Variants in TTC39A observed in about 807,000 individuals in gnomAD.
The protein encoded by TTC39A is tetratricopeptide repeat protein 39A.
A neutral mutation model predicts 82.3 loss-of-function variants in TTC39A; 46 were observed. The ratio of observed to expected loss-of-function variants is 0.56; its 90% CI spans 0.44 to 0.71. TTC39A has a LOEUF of 0.71. Among genes scored for constraint, TTC39A ranks in the 30% least tolerant of loss-of-function variants. The probability of loss-of-function intolerance (pLI) is 0.00; values close to 1 mark genes in which losing one functional copy is unlikely to be tolerated. For synonymous variants in TTC39A, 254 were observed against 275.2 expected (o/e 0.92, Z 0.76); for missense variants, 543 against 712.9 (o/e 0.76, Z 2.71).
At chr1:51,299,545 G>A (rs1278956410) in intron 12 of TTC39A, 2 of 152,294 alleles carry the variant, frequency 1.3e-5, no homozygotes, top group African/African-American at 4.8e-5. Context: ...AATGGGTGGG[G>A]CCCCAGAACT....
At chr1:51,337,424 A>ATTTTT (rs1017474435) in intron 1 of TTC39A, among the ~76,000 whole-genome samples, 5 of 132,098 alleles carry the variant, frequency 3.8e-5, no homozygotes, top group Non-Finnish European at 6.5e-5. Context: ...ATTCTGTTTA[A>ATTTTT]TTTTTTTTTT....
chr1:51,331,750 A>G (rs1645915246), upstream of TTC39A: 1 of 985,366 alleles, frequency 1.0e-6, no homozygotes, highest in Admixed American at 6.1e-5. Flanking sequence ...TACAGGCACG[A>G]AAAAGATAAT....
intron 1 of TTC39A, among the ~76,000 whole-genome samples, chr1:51,327,805 T>G (rs561559685): frequency 6.6e-6 from 1 of 151,798 alleles, no homozygotes; most frequent in African/African-American, 2.4e-5. Flanking sequence ...CAAGAGATTC[T>G]CCTGCCTCAG....
At position 51,296,195 on chromosome 1, in the gene TTC39A, G is replaced by C. The variant is rs1270473051; in HGVS notation, c.1054-25C>G. 1.2e-5 allele frequency: 19 copies of C among 1,566,334 alleles called. No homozygotes were observed. The South Asian group carries it at 2.2e-4, about 18-fold the overall frequency. On this transcript the variant is annotated intron_variant, in intron 12 of 17. Transcript: ENST00000680483. Reference sequence around the variant, plus strand: ...CCTGTGCGAGACAGAGCAACAGCCAGGTGTGAGCAGCCCTCCTCCAGCCCC... The same window carrying C: ...CCTGTGCGAGACAGAGCAACAGCCACGTGTGAGCAGCCCTCCTCCAGCCCC...
At chr1:51,339,225 G>A (rs765700130) in intron 1 of TTC39A, among the ~76,000 whole-genome samples, 5 of 152,110 alleles carry the variant, frequency 3.3e-5, no homozygotes, top group East Asian at 1.9e-4. Flanking sequence ...CAAAAGGAAC[G>A]GGGTGTCTTA....
chr1:51,304,576 A>G (rs984379754), intron 8 of TTC39A, among the ~76,000 whole-genome samples: 7 of 152,172 alleles, frequency 4.6e-5, no homozygotes, highest in African/African-American at 1.7e-4. Flanking sequence ...TGCTGCCTTC[A>G]ACCTGGGGTT....
chr1:51,342,094 G>T (rs139174091), intron 1 of TTC39A, among the ~76,000 whole-genome samples: 1 of 152,066 alleles, frequency 6.6e-6, no homozygotes, highest in African/African-American at 2.4e-5. Context: ...TTTATTTTTG[G>T]TGCTGTCTCC....
chr1:51,296,654 A>C, intron 12 of TTC39A: 1 of 204,210 alleles, frequency 4.9e-6, no homozygotes, highest in Non-Finnish European at 1.0e-5. Context: ...TGAGCCAGAA[A>C]CGTGAGCAGG....
chr1:51,305,135 C>T lies in TTC39A; in HGVS notation c.600G>A (p.Met200Ile), dbSNP rs1644821831. 27 of 1,613,324 alleles carry T rather than the reference C, an allele frequency of 1.7e-5. No homozygotes were observed. The highest frequency in any genetic ancestry group is 2.2e-5 in the Non-Finnish European group (26 of 1,179,514). ...GVGAFNLTLS[M>I]LPTRILRLLE... ...ACAGCCTCAGGATCCTAGTAGGAAG[C>T]ATGGACAGTGTCTGCAAGAAAGGAG... The change falls in exon 8 of 18, where the codon ATG becomes ATA. Residue 200 changes from methionine to isoleucine, a missense_variant. Coordinates refer to ENST00000680483, the MANE Select transcript of TTC39A (RefSeq NM_001297663.2).
intron 12 of TTC39A, chr1:51,300,099 C>G (rs906893788): frequency 6.6e-6 from 1 of 152,212 alleles, no homozygotes; most frequent in Non-Finnish European, 1.5e-5. Flanking sequence ...AAGCAGAGGC[C>G]TCTGAGTCAC....
At chr1:51,302,317 C>T (rs745704570) in intron 11 of TTC39A, 40 bp downstream of exon 11, 159 of 1,572,962 alleles carry the variant, frequency 1.0e-4, no homozygotes, top group Non-Finnish European at 1.2e-4. Flanking sequence ...TGGGAGACCC[C>T]GAGGGATCCC....
At chr1:51,331,102 A>T, upstream of TTC39A, 3 of 1,207,486 alleles carry the variant, frequency 2.5e-6, no homozygotes, top group Non-Finnish European at 3.6e-6. Flanking sequence ...GCTATTTTAC[A>T]GATGGGGAAA....
chr1:51,314,086 G>A (rs1207457609), intron 2 of TTC39A, among the ~76,000 whole-genome samples: 1 of 152,178 alleles, frequency 6.6e-6, no homozygotes, highest in African/African-American at 2.4e-5. Flanking sequence ...CGATGTCAGG[G>A]CTGAGCCAAG....
At position 51,288,238 on chromosome 1, in the gene TTC39A, A is replaced by C. The variant is rs1644060991; in HGVS notation, c.1653T>G (p.Phe551Leu). 5 of 1,614,000 alleles carry C rather than the reference A, an allele frequency of 3.1e-6. No homozygotes were observed. The highest frequency in any genetic ancestry group is 4.2e-6 in the Non-Finnish European group (5 of 1,179,872). ...KNYSMESRTH[F>L]RIQAATLQAK... The stretch of plus-strand genomic sequence containing the variant: ...CTTGGAGTGTGGCTGCCTGGATTCG[A>C]AAGTGTGTCCTTGACTCCATGGAGT... Residue 551 changes from phenylalanine (F) to leucine (L), a missense_variant, in exon 18 of 18, where the codon TTT becomes TTG. Phe to Leu is a conservative substitution (Grantham distance 22). Transcript: ENST00000680483. The surrounding 1 kb of genome is among the most constrained non-coding windows in gnomAD (Gnocchi z 4.8).
At position 51,295,792 on chromosome 1, in the gene TTC39A, C is replaced by T; in HGVS notation, c.1145+287G>A. 2.0e-6 allele frequency: 1 copy of T among 503,380 alleles called. No homozygotes were observed. Among genetic ancestry groups the T allele is most frequent in the Non-Finnish European group, 3.6e-6 (1 of 274,958 alleles). 31.2% of individuals were successfully genotyped at this position (503,380 alleles called of 1,614,324 possible). On this transcript the variant is annotated intron_variant, in intron 13 of 17. Transcript: ENST00000680483. Reference sequence around the variant, plus strand: ...CCTGGACCTTGGAGCCACATCTGTCCTACTGTCCACATGAAAGAGACTCGG... The same window carrying T: ...CCTGGACCTTGGAGCCACATCTGTCTTACTGTCCACATGAAAGAGACTCGG...
intron 2 of TTC39A, among the ~76,000 whole-genome samples, chr1:51,317,313 C>T (rs1353587639): frequency 6.6e-6 from 1 of 152,200 alleles, no homozygotes; most frequent in Non-Finnish European, 1.5e-5. Context: ...TTTCTCTAGA[C>T]CCGTGGTTCT....
intron 14 of TTC39A, among the ~76,000 whole-genome samples, chr1:51,292,880 T>C (rs1489976309): frequency 1.3e-5 from 2 of 152,244 alleles, no homozygotes; most frequent in African/African-American, 4.8e-5. Flanking sequence ...AGAAAGCCTA[T>C]AGTATATAAA....
In TTC39A at chr1:51,302,499, G is replaced by T; in HGVS notation, c.831+7C>A. ...GCTGGGGGTACCGGGCAGCACATGG[G>T]GCTCACCTTAGGGTACCGGTTCAGG... On this transcript the variant is annotated splice_region_variant and intron_variant, in intron 10 of 17. Coordinates refer to ENST00000680483, the MANE Select transcript of TTC39A (RefSeq NM_001297663.2). 6.2e-7 allele frequency: 1 copy of T among 1,609,350 alleles called. No individual in the cohort carries two copies. The highest frequency in any genetic ancestry group is 1.1e-5 in the South Asian group (1 of 89,942).
At chr1:51,330,722 CGCTCCGACAGGTGAGA>C, upstream of TTC39A, 2 of 724,864 alleles carry the variant, frequency 2.8e-6, no homozygotes, top group Non-Finnish European at 3.5e-6. This position sits in a 1 kb window ranked among gnomAD's most constrained non-coding sequence, Gnocchi z 4.5. Context: ...CCCCCACCCC[CGCTCCGACAGGTGAGA>C]GCCCGGCGCC....
Sources: allele counts gnomAD v4.1 joint callset (sites outside exome capture counted in the v4.1 genomes callset), GRCh38; gene constraint gnomAD v4.1.1; non-coding constraint Gnocchi (gnomAD v3.1); transcripts MANE v1.5; gene names NCBI Gene and HGNC (gene_info 2026-07-23, HGNC 2026-07-21).